LDHC: variants seen among roughly 807,000 people sequenced by gnomAD.
LDHC encodes L-lactate dehydrogenase C chain.
LDHC carries 20 observed loss-of-function variants against 30.2 expected under a neutral mutation model. The ratio of observed to expected loss-of-function variants is 0.66; its 90% CI spans 0.47 to 0.96. The LOEUF is 0.96. LDHC is among the 40% of genes least tolerant of loss of function. LDHC has a pLI of 0.00. For synonymous variants in LDHC, 139 were observed against 132.7 expected (o/e 1.05, Z -0.32); for missense variants, 362 against 394.9 (o/e 0.92, Z 0.71).
At chr11:18,432,057 G>C (rs1848275683) in intron 4 of LDHC, among the ~76,000 whole-genome samples, 1 of 152,106 alleles carries the variant, frequency 6.6e-6, no homozygotes, top group African/African-American at 2.4e-5. Flanking sequence ...TGTGACCTTA[G>C]ATTGTCTTTT....
intron 1 of LDHC, 90 bp from the exon 2 acceptor site, chr11:18,412,619 A>AT: frequency 5.8e-6 from 7 of 1,197,952 alleles, no homozygotes; most frequent in Non-Finnish European, 5.9e-6. Flanking sequence ...GCTTCCCCCC[A>AT]TCCCCGGCTC....
intron 5 of LDHC, 42 bp from the exon 6 acceptor site, chr11:18,438,486 A>T: frequency 7.9e-7 from 1 of 1,259,538 alleles, no homozygotes; most frequent in East Asian, 2.3e-5. Context: ...TCCTGATGCC[A>T]TATTGGGAAG....
intron 2 of LDHC, among the ~76,000 whole-genome samples, chr11:18,413,114 G>T (rs1866930359): frequency 7.1e-6 from 1 of 141,148 alleles, no homozygotes; most frequent in Non-Finnish European, 1.5e-5. Flanking sequence ...GACAGGATTT[G>T]TCTGTTACCC....
intron 6 of LDHC, among the ~76,000 whole-genome samples, chr11:18,442,565 G>GT (rs1044468129): frequency 2.7e-5 from 4 of 150,110 alleles, no homozygotes; most frequent in Non-Finnish European, 5.9e-5. Flanking sequence ...CAACTAGACT[G>GT]TTTTTTTCCC....
At chr11:18,443,756 G>A (rs553175629) in intron 6 of LDHC, among the ~76,000 whole-genome samples, 2 of 152,180 alleles carry the variant, frequency 1.3e-5, no homozygotes, top group East Asian at 1.9e-4. Flanking sequence ...CACTGTACTC[G>A]GGCAGTTCCT....
intron 3 of LDHC, among the ~76,000 whole-genome samples, chr11:18,427,754 T>G (rs1848187629): frequency 6.6e-6 from 1 of 151,214 alleles, no homozygotes; most frequent in South Asian, 2.1e-4. Context: ...CTCGGCTCAC[T>G]GCAACCTCCA....
chr11:18,420,752 A>G lies in LDHC; in HGVS notation c.244+5451A>G, dbSNP rs553896131. On this transcript the variant is annotated intron_variant, in intron 3 of 7. Coordinates refer to ENST00000541669, the MANE Select transcript of LDHC (RefSeq NM_017448.5). ...AAGGAAACACAAAAGTATATATATC[A>G]GGCAAAAGAAAAGTGATCTCACATA... Among the ~76,000 whole-genome samples the G allele has an allele frequency of 1.9e-4, 28 of 151,054 alleles. No homozygotes were observed. In the East Asian group the frequency reaches 5.4e-3, roughly 29 times the overall value.
chr11:18,425,365 T>A (rs1848144021), intron 3 of LDHC, among the ~76,000 whole-genome samples: 1 of 152,096 alleles, frequency 6.6e-6, no homozygotes, highest in Non-Finnish European at 1.5e-5. Flanking sequence ...TTAATATTTT[T>A]AATTTTTTTC....
At chr11:18,439,078 C>T (rs983657133) in intron 6 of LDHC, among the ~76,000 whole-genome samples, 1 of 152,072 alleles carries the variant, frequency 6.6e-6, no homozygotes, top group Non-Finnish European at 1.5e-5. Context: ...AATGCTAGAA[C>T]CATGCCAAGA....
chr11:18,431,316 C>T (rs143072410), intron 4 of LDHC, among the ~76,000 whole-genome samples: 1,765 of 151,554 alleles, frequency 0.012, 14 homozygotes, highest in Non-Finnish European at 0.019. Flanking sequence ...CAAAATTAGC[C>T]GGGTGTGTGG....
At position 18,421,817 on chromosome 11, in the gene LDHC, C is replaced by T. The variant is rs144696931; in HGVS notation, c.244+6516C>T. ...ACTTCTGTGACAGCTAACAAAAGAA[C>T]AGAAACCTTTAAATTCTTAAAGGTG... On this transcript the variant is annotated intron_variant, in intron 3 of 7. Coordinates refer to ENST00000541669, the MANE Select transcript of LDHC (RefSeq NM_017448.5). 3.7e-4 allele frequency among the ~76,000 whole-genome samples: 56 copies of T among 152,242 alleles called. 1 individual carries two copies. The highest frequency in any genetic ancestry group is 1.3e-3 in the African/African-American group (54 of 41,532).
intron 4 of LDHC, among the ~76,000 whole-genome samples, chr11:18,431,347 A>G (rs775181642): frequency 2.9e-4 from 44 of 152,070 alleles, no homozygotes; most frequent in South Asian, 6.2e-4. Flanking sequence ...CTGTAATCCC[A>G]GCTACTCAAG....
At position 18,412,860 on chromosome 11, in the gene LDHC, TC is replaced by T; in HGVS notation, c.126+19del. ...TTACTGAAGGTGAGTGAGAAGCCCA[TC>T]CTGTGGCTGAAAATCAAGTGAGCAC... On this transcript the variant is annotated intron_variant, in intron 2 of 7. Transcript: ENST00000541669. The T allele has an allele frequency of 6.2e-7, 1 of 1,608,840 alleles. No homozygotes were observed. The highest frequency in any genetic ancestry group is 1.3e-5 in the African/African-American group (1 of 74,808).
chr11:18,423,980 A>G (rs1026180283), intron 3 of LDHC, among the ~76,000 whole-genome samples: 1 of 148,608 alleles, frequency 6.7e-6, no homozygotes, highest in African/African-American at 2.5e-5. Context: ...ATATCAATAT[A>G]CCATTACACA....
chr11:18,429,658 T>A, intron 3 of LDHC, 79 bp from the exon 4 acceptor site: 1 of 759,504 alleles, frequency 1.3e-6, no homozygotes, highest in Admixed American at 2.6e-5. Flanking sequence ...ACTAAGAACA[T>A]ACAATAGAGT....
At chr11:18,435,593 G>T (rs1335340318) in intron 5 of LDHC, among the ~76,000 whole-genome samples, 1 of 152,008 alleles carries the variant, frequency 6.6e-6, no homozygotes, top group Non-Finnish European at 1.5e-5. Flanking sequence ...CCAGTCTCAG[G>T]TATTTCTTTA....
chr11:18,419,789 T>C lies in LDHC; in HGVS notation c.244+4488T>C, dbSNP rs142356671. ...TAAAAAAGGAACAAAATATAACTTA[T>C]AAATGTGAAAAACTCAATGGAGCCA... On this transcript the variant is annotated intron_variant, in intron 3 of 7. Transcript: ENST00000541669. Among the ~76,000 whole-genome samples, 65 of 152,158 alleles carry C rather than the reference T, an allele frequency of 4.3e-4. 1 individual carries two copies. The highest frequency in any genetic ancestry group is 1.3e-3 in the African/African-American group (56 of 41,532).
In LDHC at chr11:18,451,622, T is replaced by C. The variant is rs1041077294; in HGVS notation, c.*495T>C. The stretch of plus-strand genomic sequence containing the variant: ...GAGGCTCTGTCTCAAAAAAAATCAT[T>C]ATAAATGCTTATTTTTAAGACCATA... On this transcript the variant is annotated 3_prime_UTR_variant, in exon 8 of 8. Transcript: ENST00000541669. 1 of 152,072 alleles carries C rather than the reference T, an allele frequency of 6.6e-6. No homozygotes were observed. Among genetic ancestry groups the C allele is most frequent in the African/African-American group, 2.4e-5 (1 of 41,374 alleles). 9.4% of individuals were successfully genotyped at this position (152,072 alleles called of 1,614,324 possible). A position where few individuals can be genotyped will look rare whatever the true frequency, so the allele number is the denominator to read the frequency against.
chr11:18,413,874 A>G (rs1399673095), intron 2 of LDHC, among the ~76,000 whole-genome samples: 1 of 152,224 alleles, frequency 6.6e-6, no homozygotes, highest in African/African-American at 2.4e-5. Flanking sequence ...CATGTGACAA[A>G]AACCCAGTTT....
Sources: gnomAD v4.1 joint callset for allele counts (sites outside exome capture counted in the v4.1 genomes callset) on GRCh38, gnomAD v4.1.1 for gene constraint, MANE v1.5 for transcripts, NCBI Gene and HGNC (gene_info 2026-07-23, HGNC 2026-07-21) for gene names.